Variants in MOB3B observed in about 807,000 individuals in gnomAD.
MOB3B encodes MOB kinase activator-like 2B.
MOB3B carries 7 observed loss-of-function variants against 18.7 expected under a neutral mutation model. The observed-to-expected ratio is 0.37, with a 90% CI of 0.21 to 0.70. The LOEUF (loss-of-function observed/expected upper bound fraction) is 0.70, where lower values mean the gene tolerates loss of function less well. Ranked by LOEUF, MOB3B falls within the 30% of genes least tolerant of loss-of-function variation. The pLI, the probability that MOB3B is intolerant of heterozygous loss-of-function variation, is 0.52. For missense variants in MOB3B, 253 were observed against 281.3 expected, an observed-to-expected ratio of 0.90 and a Z score of 0.72; for synonymous variants, 111 against 99.9, an observed-to-expected ratio of 1.11 and a Z score of -0.66.
chr9:27,516,404 C>A (rs1373400759), intron 1 of MOB3B, among the ~76,000 whole-genome samples: 1 of 152,154 alleles, frequency 6.6e-6, no homozygotes, highest in Non-Finnish European at 1.5e-5. Context: ...TCATGGGAGG[C>A]ATATACTAAA....
chr9:27,471,989 A>G (rs16911538), intron 1 of MOB3B, among the ~76,000 whole-genome samples: 8,202 of 152,236 alleles, frequency 0.054, 717 homozygotes, highest in African/African-American at 0.19. Flanking sequence ...AATACCAAAT[A>G]TCTTAATCCT....
At chr9:27,342,190 C>T (rs1418135373) in intron 3 of MOB3B, among the ~76,000 whole-genome samples, 5 of 152,148 alleles carry the variant, frequency 3.3e-5, no homozygotes, top group East Asian at 1.9e-4. Flanking sequence ...CCTCGCGTCG[C>T]ACCATGCCAA....
At chr9:27,524,303 A>G (rs567125481) in intron 1 of MOB3B, 1 of 1,593,724 alleles carries the variant, frequency 6.3e-7, no homozygotes, top group East Asian at 2.2e-5. Context: ...ATTGTCATAT[A>G]CACATCTTCT....
chr9:27,359,288 T>C (rs1821238376), intron 2 of MOB3B, 52 bp from the exon 3 acceptor site: 1 of 1,506,586 alleles, frequency 6.6e-7, no homozygotes, highest in South Asian at 1.1e-5. Context: ...ATAGATCCTT[T>C]TCCTCTTTCC....
intron 2 of MOB3B, among the ~76,000 whole-genome samples, chr9:27,403,066 GA>G (rs572940534): frequency 4.0e-5 from 6 of 149,208 alleles, no homozygotes; most frequent in East Asian, 2.0e-4. Flanking sequence ...GTCATGGACC[GA>G]AAAAAAAAAG....
chr9:27,451,730 C>T (rs781266535), intron 2 of MOB3B, among the ~76,000 whole-genome samples: 2 of 152,146 alleles, frequency 1.3e-5, no homozygotes, highest in Non-Finnish European at 2.9e-5. Flanking sequence ...CTCATCCACC[C>T]AGGGTCCTGT....
chr9:27,378,540 G>C (rs756287705), intron 2 of MOB3B: 2 of 471,066 alleles, frequency 4.2e-6, no homozygotes, highest in South Asian at 3.1e-5. Context: ...GGGCAGCTTG[G>C]CCAAAGGACC....
intron 2 of MOB3B, among the ~76,000 whole-genome samples, chr9:27,386,958 T>A (rs1446135004): frequency 6.6e-6 from 1 of 152,194 alleles, no homozygotes; most frequent in Non-Finnish European, 1.5e-5. Context: ...GTTGCCACAG[T>A]AATGCAAATG....
chr9:27,408,127 T>C (rs1822014553), intron 2 of MOB3B, among the ~76,000 whole-genome samples: 1 of 152,166 alleles, frequency 6.6e-6, no homozygotes, highest in South Asian at 2.1e-4. Flanking sequence ...CAACAAACCA[T>C]GTGCCTCCGA....
chr9:27,386,898 C>T (rs893245901), intron 2 of MOB3B, among the ~76,000 whole-genome samples: 2 of 152,212 alleles, frequency 1.3e-5, no homozygotes, highest in African/African-American at 4.8e-5. Context: ...GCTCTCATCC[C>T]TCCTAAGGCA....
At chr9:27,527,666 G>T (rs1820457527) in intron 1 of MOB3B, among the ~76,000 whole-genome samples, 1 of 152,172 alleles carries the variant, frequency 6.6e-6, no homozygotes, top group Non-Finnish European at 1.5e-5. Flanking sequence ...AGCTTCCTTG[G>T]AAGAGGGACT....
chr9:27,385,161 C>G (rs1217155942), intron 2 of MOB3B, among the ~76,000 whole-genome samples: 1 of 152,148 alleles, frequency 6.6e-6, no homozygotes, highest in Admixed American at 6.6e-5. Context: ...AAGTCATTTG[C>G]CTGAACATGT....
intron 3 of MOB3B, among the ~76,000 whole-genome samples, chr9:27,351,054 C>T (rs1205310148): frequency 6.6e-6 from 1 of 152,170 alleles, no homozygotes; most frequent in Admixed American, 6.5e-5. Flanking sequence ...GGGCACCTGA[C>T]ACCACGCCTG....
intron 1 of MOB3B, among the ~76,000 whole-genome samples, chr9:27,506,509 C>A (rs1163948380): frequency 6.7e-6 from 1 of 149,622 alleles, no homozygotes; most frequent in South Asian, 2.1e-4. Flanking sequence ...TGTGCCAGAC[C>A]CTTTAATTAT....
intron 2 of MOB3B, among the ~76,000 whole-genome samples, chr9:27,401,716 G>A (rs918229048): frequency 2.6e-5 from 4 of 151,944 alleles, no homozygotes; most frequent in Non-Finnish European, 4.4e-5. Flanking sequence ...AAAGTAATGA[G>A]GAAATAAAAT....
At chr9:27,525,317 T>C (rs921372741) in intron 1 of MOB3B, among the ~76,000 whole-genome samples, 2 of 152,242 alleles carry the variant, frequency 1.3e-5, no homozygotes, top group Non-Finnish European at 1.5e-5. Context: ...GCAGAGAATG[T>C]TGCAAAATGG....
At chr9:27,417,834 C>G (rs7036512) in intron 2 of MOB3B, among the ~76,000 whole-genome samples, 143,980 of 152,156 alleles carry the variant, frequency 0.95, 68,470 homozygotes, top group East Asian at 1. Flanking sequence ...AGGTCGGGGC[C>G]GGTGGATCAC....
intron 2 of MOB3B, among the ~76,000 whole-genome samples, chr9:27,425,385 A>AAACAAAAC (rs1554648745): frequency 1.4e-5 from 2 of 145,098 alleles, no homozygotes; most frequent in African/African-American, 2.6e-5. Context: ...AAAAAAAAAA[A>AAACAAAAC]AAAACAAAAC....
rs548004352 is a variant in MOB3B, at chr9:27,340,150, C to G, written c.622-9534G>C. Among the ~76,000 whole-genome samples the G allele has an allele frequency of 1.1e-4, 17 of 152,336 alleles. 1 individual carries two copies. The East Asian group carries it at 1.5e-3, about 14-fold the overall frequency. ...TTATTTGATTAATTCTGTTCCTAAA[C>G]AACAGCCCACATTACTGACACGGAG... On this transcript the variant is annotated intron_variant, in intron 3 of 3. Transcript: ENST00000262244.
Sources: gnomAD v4.1 joint callset for allele counts (sites outside exome capture counted in the v4.1 genomes callset) on GRCh38, gnomAD v4.1.1 for gene constraint, MANE v1.5 for transcripts, NCBI Gene and HGNC (gene_info 2026-07-23, HGNC 2026-07-21) for gene names.